The following SLC30A9 variants were observed in gnomAD, a reference collection of about 807,000 sequenced individuals.
SLC30A9 encodes the protein proton-coupled zinc antiporter SLC30A9, mitochondrial.
Under a neutral mutation model 87.5 loss-of-function variants are expected in SLC30A9, and 58 were observed. That is an observed-to-expected ratio of 0.66 (90% CI 0.54 to 0.82). The LOEUF (loss-of-function observed/expected upper bound fraction) is 0.82. SLC30A9 is among the 40% of genes least tolerant of loss of function. SLC30A9 has a pLI of 0.00. For synonymous variants in SLC30A9, 234 were observed against 233.0 expected (o/e 1.00, Z -0.04); for missense variants, 557 against 679.1 (o/e 0.82, Z 2.00).
At position 42,066,617 on chromosome 4, in the gene SLC30A9, G is replaced by C. The variant is rs1718087422; in HGVS notation, c.1140G>C (p.Lys380Asn). The C allele has an allele frequency of 1.2e-6, 2 of 1,602,362 alleles. No individual in the cohort carries two copies. Among genetic ancestry groups the C allele is most frequent in the Non-Finnish European group, 1.7e-6 (2 of 1,171,620 alleles). Reference protein sequence around the residue: ...NARAKGMSFYKYVMESRDPST... With the variant: ...NARAKGMSFYNYVMESRDPST... ...GGGCTAAAGGAATGTCATTTTACAAGTATGGTATGTATTTTAGAAACCAAG... is the reference window on the plus strand; with the variant it reads ...GGGCTAAAGGAATGTCATTTTACAACTATGGTATGTATTTTAGAAACCAAG... Residue 380 changes from lysine to asparagine, a missense_variant, in exon 13 of 18, where the codon AAG becomes AAC. Lys to Asn is a moderately conservative substitution (Grantham distance 94). Transcript: ENST00000264451.
rs570742986 is a variant in SLC30A9, at chr4:42,027,731, TTACAGCAGA to T, written c.610+4348_610+4356del. Among the ~76,000 whole-genome samples the T allele has an allele frequency of 1.0e-3, 155 of 152,300 alleles. 1 individual carries two copies. Among genetic ancestry groups the T allele is most frequent in the African/African-American group, 3.6e-3 (150 of 41,566 alleles). On this transcript the variant is annotated intron_variant, in intron 6 of 17. Transcript: ENST00000264451. ...ACTAGAGAATTTAAGATGGAATATA[TTACAGCAGA>T]ATTTGTTCACAAAAATAGAAAATGA...
intron 13 of SLC30A9, 146 bp downstream of exon 13, chr4:42,066,767 T>C (rs753559067): frequency 2.3e-5 from 13 of 565,134 alleles, no homozygotes; most frequent in Non-Finnish European, 3.7e-5. Flanking sequence ...CCTTCAGCCC[T>C]TATTAAAAAG....
At chr4:42,083,686 G>C (rs1718819548) in intron 17 of SLC30A9, among the ~76,000 whole-genome samples, 2 of 151,760 alleles carry the variant, frequency 1.3e-5, no homozygotes, top group African/African-American at 4.8e-5. Flanking sequence ...TTAATGAACA[G>C]GTAAATTTTT....
intron 15 of SLC30A9, among the ~76,000 whole-genome samples, chr4:42,071,446 T>C (rs185927004): frequency 6.6e-6 from 1 of 152,252 alleles, no homozygotes; most frequent in Admixed American, 6.5e-5. Flanking sequence ...ATTACTAGAT[T>C]TATATTCTAT....
At chr4:41,998,527 G>C (rs899031861) in intron 1 of SLC30A9, among the ~76,000 whole-genome samples, 7 of 151,320 alleles carry the variant, frequency 4.6e-5, no homozygotes, top group African/African-American at 1.5e-4. Flanking sequence ...GCAATGGCGC[G>C]ATCTTGGTTC....
chr4:42,082,719 G>T (rs1307340593), intron 17 of SLC30A9, among the ~76,000 whole-genome samples: 1 of 151,942 alleles, frequency 6.6e-6, no homozygotes, highest in Non-Finnish European at 1.5e-5. Context: ...ATGGTGGCGG[G>T]CCCTTCTAGT....
chr4:42,016,742 A>T (rs1303178859), intron 2 of SLC30A9, among the ~76,000 whole-genome samples: 1 of 152,090 alleles, frequency 6.6e-6, no homozygotes, highest in Non-Finnish European at 1.5e-5. Flanking sequence ...GATGGCCATT[A>T]TTATGTTTGT....
At chr4:42,085,529 A>G (rs10002107) in intron 17 of SLC30A9, among the ~76,000 whole-genome samples, 99,300 of 152,122 alleles carry the variant, frequency 0.65, 36,916 homozygotes, top group East Asian at 0.96. Context: ...ATGAGTGAGT[A>G]AGCAATAAAT....
intron 2 of SLC30A9, among the ~76,000 whole-genome samples, chr4:42,004,778 A>G (rs1371992950): frequency 1.3e-5 from 2 of 149,772 alleles, no homozygotes; most frequent in Non-Finnish European, 3.0e-5. Flanking sequence ...TAGCCCCCTA[A>G]GTAGCTGAGA....
rs757334878 is a variant in SLC30A9 at position 42,070,536 on chromosome 4, G to A, written c.1263G>A (p.Leu421=). Residue 421 remains leucine, a synonymous_variant, in exon 15 of 18, where the codon CTG becomes CTA. Coordinates refer to ENST00000264451, the MANE Select transcript of SLC30A9 (RefSeq NM_006345.4). The part of the protein sequence containing the change: ...MGLTSITGNP[L]YDSLGSLGVG... ...ATGTGCTTCATTTAGGCAATCCACTGTATGACAGCCTAGGTTCTTTGGGTG... is the reference window on the plus strand; with the variant it reads ...ATGTGCTTCATTTAGGCAATCCACTATATGACAGCCTAGGTTCTTTGGGTG... 6.2e-7 allele frequency: 1 copy of A among 1,611,912 alleles called. No individual in the cohort carries two copies. Among genetic ancestry groups the A allele is most frequent in the Non-Finnish European group, 8.5e-7 (1 of 1,178,688 alleles).
At chr4:42,053,858 GAAGTA>G (rs1365496299) in intron 9 of SLC30A9, among the ~76,000 whole-genome samples, 2 of 152,110 alleles carry the variant, frequency 1.3e-5, no homozygotes, top group East Asian at 3.8e-4. Flanking sequence ...AAAAGGGAAT[GAAGTA>G]CTTTTCTGAC....
chr4:42,073,904 T>C (rs1718417512), intron 15 of SLC30A9, among the ~76,000 whole-genome samples: 1 of 152,180 alleles, frequency 6.6e-6, no homozygotes, highest in African/African-American at 2.4e-5. Flanking sequence ...GGATTGATCA[T>C]ATGGGAGCCC....
intron 2 of SLC30A9, among the ~76,000 whole-genome samples, chr4:42,004,665 T>TTTC (rs1491564348): frequency 1.3e-3 from 3 of 2,270 alleles, no homozygotes; most frequent in East Asian, 0.17. Context: ...TTTCTTTTTC[T>TTTC]TTTTTTTTTT....
At chr4:42,059,582 A>AAT (rs61655286) in intron 9 of SLC30A9, among the ~76,000 whole-genome samples, 6 of 151,902 alleles carry the variant, frequency 3.9e-5, no homozygotes, top group Admixed American at 1.3e-4. Flanking sequence ...GCCCATACAC[A>AAT]ATATATATAT....
At chr4:42,022,656 A>G (rs191733702) in intron 4 of SLC30A9, among the ~76,000 whole-genome samples, 182 bp from the exon 5 acceptor site, 19 of 152,226 alleles carry the variant, frequency 1.2e-4, no homozygotes, top group Non-Finnish European at 2.4e-4. Flanking sequence ...ATTTTTTTTC[A>G]CTGTCTCTAT....
intron 8 of SLC30A9, among the ~76,000 whole-genome samples, chr4:42,048,080 G>C (rs1025878430): frequency 6.6e-5 from 10 of 152,164 alleles, no homozygotes; most frequent in African/African-American, 2.4e-4. Flanking sequence ...CCTATTGGGG[G>C]GTGGGTGGCT....
rs1394786610 is a variant in SLC30A9 at position 42,049,437 on chromosome 4, G to T, written c.798G>T (p.Met266Ile). The T allele has an allele frequency of 2.5e-6, 4 of 1,611,226 alleles. No individual in the cohort carries two copies. Among genetic ancestry groups the T allele is most frequent in the Non-Finnish European group, 3.4e-6 (4 of 1,178,258 alleles). The change falls in exon 9 of 18, where the codon ATG (methionine) becomes ATT (isoleucine). Residue 266 changes from methionine to isoleucine, a missense_variant. By Grantham distance (10) the Met-to-Ile change is conservative. This residue lies in a region of SLC30A9 where 467 missense variants were observed against 529.8 expected (regional missense o/e 0.88). Transcript: ENST00000264451. ...LAWIYTGSAS[M>I]FSEAIHSLSD... is the part of the protein sequence containing the mutation. Reference sequence around the variant, plus strand: ...GGATTTATACCGGTTCAGCAAGTATGTTCTCAGAAGCTATACACTCATTAT... The same window carrying T: ...GGATTTATACCGGTTCAGCAAGTATTTTCTCAGAAGCTATACACTCATTAT...
At position 41,990,709 on chromosome 4, in the gene SLC30A9, C is replaced by G. The variant is rs1176587416; in HGVS notation, c.58C>G (p.Arg20Gly). Reference protein sequence around the residue: ...AHRCSWSSLCRLRLRCRAAAC... With the variant: ...AHRCSWSSLCGLRLRCRAAAC... ...CAGATGTAGCTGGTCCTCCCTGTGC[C>G]GGCTCCGTCTGCGATGCAGGGCGGC... The change falls in exon 1 of 18, where the codon CGG (arginine) becomes GGG (glycine). Residue 20 changes from arginine (R) to glycine (G), a missense_variant. Physicochemically the swap from Arg to Gly is moderately radical, Grantham distance 125. This residue lies in a region of SLC30A9 where 467 missense variants were observed against 529.8 expected (regional missense o/e 0.88). Transcript: ENST00000264451. The G allele has an allele frequency of 3.7e-6, 6 of 1,612,076 alleles. No individual in the cohort carries two copies. The highest frequency in any genetic ancestry group is 2.2e-5 in the East Asian group (1 of 44,864).
intron 6 of SLC30A9, among the ~76,000 whole-genome samples, chr4:42,023,949 G>C (rs1716081869): frequency 6.6e-6 from 1 of 152,138 alleles, no homozygotes; most frequent in Non-Finnish European, 1.5e-5. Context: ...CATGAGAACA[G>C]TATGGGGGAG....
Sources: gnomAD v4.1 joint callset for allele counts (sites outside exome capture counted in the v4.1 genomes callset) on GRCh38, gnomAD v4.1.1 for gene constraint, gnomAD v4.1.1 regional missense constraint, MANE v1.5 for transcripts, NCBI Gene and HGNC (gene_info 2026-07-23, HGNC 2026-07-21) for gene names.